HPSE2: variants seen among roughly 807,000 people sequenced by gnomAD.
HPSE2 encodes inactive heparanase-2.
A neutral mutation model predicts 60.5 loss-of-function variants in HPSE2; 38 were observed. That is an observed-to-expected ratio of 0.63 (90% CI 0.48 to 0.82). The LOEUF is 0.82. HPSE2 is among the 40% of genes least tolerant of loss of function. The probability of loss-of-function intolerance (pLI) is 0.00; values close to 1 mark genes in which losing one functional copy is unlikely to be tolerated. For missense variants in HPSE2, 713 were observed against 740.4 expected, an observed-to-expected ratio of 0.96 and a Z score of 0.43; for synonymous variants, 295 against 293.2, an observed-to-expected ratio of 1.01 and a Z score of -0.06.
chr10:98,599,450 T>C (rs1312097450), intron 9 of HPSE2, among the ~76,000 whole-genome samples: 1 of 152,030 alleles, frequency 6.6e-6, no homozygotes, highest in Non-Finnish European at 1.5e-5. Context: ...AGTCCAATAG[T>C]GGGACAGGCC....
intron 3 of HPSE2, among the ~76,000 whole-genome samples, chr10:98,902,974 A>T (rs1406511750): frequency 3.3e-5 from 5 of 152,158 alleles, no homozygotes; most frequent in Non-Finnish European, 7.4e-5. Flanking sequence ...ACTTGAACAC[A>T]ATGCTTATAG....
chr10:99,308,192 A>G, the HPSE2 span, among the ~76,000 whole-genome samples: 2 of 151,782 alleles, frequency 1.3e-5, no homozygotes, highest in South Asian at 4.2e-4. Flanking sequence ...GTTCAAGATT[A>G]GCCTGGCCAA....
chr10:98,900,603 T>C (rs1243646821), intron 3 of HPSE2, among the ~76,000 whole-genome samples: 1 of 152,202 alleles, frequency 6.6e-6, no homozygotes, highest in African/African-American at 2.4e-5. Flanking sequence ...GTGCAGCTTA[T>C]TGTAATGTCA....
intron 9 of HPSE2, among the ~76,000 whole-genome samples, chr10:98,594,788 G>A (rs1262334616): frequency 2.6e-5 from 4 of 152,102 alleles, no homozygotes; most frequent in East Asian, 1.9e-4. Context: ...TCTCTTCAAT[G>A]TATTGATTTC....
chr10:98,788,800 G>T (rs904188394), intron 3 of HPSE2, among the ~76,000 whole-genome samples: 1 of 150,662 alleles, frequency 6.6e-6, no homozygotes, highest in Non-Finnish European at 1.5e-5. Context: ...GCCCTGCTTC[G>T]GCTCGAGCAC....
At chr10:99,057,594 A>G (rs1472583049) in intron 3 of HPSE2, among the ~76,000 whole-genome samples, 2 of 152,198 alleles carry the variant, frequency 1.3e-5, no homozygotes, top group Non-Finnish European at 2.9e-5. Context: ...CATTGCCACC[A>G]TAAGTTGGGG....
At chr10:99,290,066 C>T in the HPSE2 span, among the ~76,000 whole-genome samples, 1 of 152,054 alleles carries the variant, frequency 6.6e-6, no homozygotes, top group Non-Finnish European at 1.5e-5. Context: ...TCCCCGCCCA[C>T]TTATAGATCT....
chr10:98,494,116 G>A (rs959634786), intron 9 of HPSE2, among the ~76,000 whole-genome samples: 5 of 152,136 alleles, frequency 3.3e-5, no homozygotes, highest in Non-Finnish European at 7.3e-5. Context: ...GTTCTCCGGT[G>A]CCATAAAGAA....
chr10:98,568,059 G>C (rs1424018831), intron 9 of HPSE2, among the ~76,000 whole-genome samples: 1 of 152,174 alleles, frequency 6.6e-6, no homozygotes. Context: ...GGGTTCAATG[G>C]GTTTTGTAAC....
the HPSE2 span, among the ~76,000 whole-genome samples, chr10:99,277,237 AG>A: frequency 1.3e-5 from 2 of 152,274 alleles, no homozygotes; most frequent in South Asian, 4.1e-4. Flanking sequence ...TTGTGCACAC[AG>A]GTGCACATGC....
chr10:99,087,699 C>T (rs1454674775), intron 3 of HPSE2, among the ~76,000 whole-genome samples: 1 of 152,072 alleles, frequency 6.6e-6, no homozygotes. Flanking sequence ...ATTGTCCTGA[C>T]GACTAGCCCA....
intron 3 of HPSE2, among the ~76,000 whole-genome samples, chr10:98,991,682 G>A (rs1244712186): frequency 6.6e-6 from 1 of 152,086 alleles, no homozygotes; most frequent in African/African-American, 2.4e-5. Flanking sequence ...GAAAGTAAAG[G>A]ATAAAGGAGG....
chr10:99,014,777 T>C (rs1244430839), intron 3 of HPSE2, among the ~76,000 whole-genome samples: 1 of 152,048 alleles, frequency 6.6e-6, no homozygotes, highest in Non-Finnish European at 1.5e-5. Context: ...ACTTCATGTC[T>C]AAAACACCAA....
chr10:99,115,397 G>A lies in HPSE2; in HGVS notation c.610+28841C>T, dbSNP rs570890933. On this transcript the variant is annotated intron_variant, in intron 3 of 11. Coordinates refer to ENST00000370552, the MANE Select transcript of HPSE2 (RefSeq NM_021828.5). Reference sequence around the variant, plus strand: ...TCTCGATCTCCTGACCTCGTGATCCGCCCGCCTTGGCCTCCCAAAGTGCTG... The same window carrying A: ...TCTCGATCTCCTGACCTCGTGATCCACCCGCCTTGGCCTCCCAAAGTGCTG... 2.6e-3 allele frequency among the ~76,000 whole-genome samples: 399 copies of A among 151,852 alleles called. 3 individuals are homozygous for A. Among genetic ancestry groups the A allele is most frequent in the Non-Finnish European group, 4.8e-3 (329 of 67,906 alleles).
At chr10:98,609,190 T>C (rs1359280276) in intron 9 of HPSE2, among the ~76,000 whole-genome samples, 5 of 152,198 alleles carry the variant, frequency 3.3e-5, no homozygotes, top group Non-Finnish European at 7.3e-5. Context: ...CCACCCAGTA[T>C]GACTTCTGTA....
At chr10:98,729,181 AAAT>A (rs1463120039) in intron 4 of HPSE2, among the ~76,000 whole-genome samples, 2 of 152,208 alleles carry the variant, frequency 1.3e-5, no homozygotes, top group African/African-American at 4.8e-5. Flanking sequence ...CAACAATCTC[AAAT>A]AATGGAAATG....
Position 98,688,579 on chromosome 10 carries a change from G to A in HPSE2, c.1004+5321C>T, listed in dbSNP as rs1947989486. On this transcript the variant is annotated intron_variant, in intron 6 of 11. Coordinates refer to ENST00000370552, the MANE Select transcript of HPSE2 (RefSeq NM_021828.5). Reference sequence around the variant, plus strand: ...CAACCTCCGCCTCTCGGGTTCAAGTGATTCTCCTGTCTCAGCCTCCTGAGT... The same window carrying A: ...CAACCTCCGCCTCTCGGGTTCAAGTAATTCTCCTGTCTCAGCCTCCTGAGT... Among the ~76,000 whole-genome samples, 6 of 148,360 alleles carry A rather than the reference G, an allele frequency of 4.0e-5. No homozygotes were observed. The South Asian group carries it at 1.3e-3, about 31-fold the overall frequency.
chr10:98,960,726 A>ATTTTTTTTTTTT (rs68091060), intron 3 of HPSE2, among the ~76,000 whole-genome samples: 2 of 102,602 alleles, frequency 1.9e-5, no homozygotes, highest in African/African-American at 4.0e-5. Context: ...TTTTTGTTTT[A>ATTTTTTTTTTTT]TTTTTTTTAT....
At chr10:98,675,867 C>T (rs1947627264) in intron 6 of HPSE2, among the ~76,000 whole-genome samples, 1 of 151,670 alleles carries the variant, frequency 6.6e-6, no homozygotes, top group Non-Finnish European at 1.5e-5. Flanking sequence ...GATATCAAGA[C>T]CCATCTCTAC....
Sources: gnomAD v4.1 joint callset for allele counts (sites outside exome capture counted in the v4.1 genomes callset) on GRCh38, gnomAD v4.1.1 for gene constraint, MANE v1.5 for transcripts, NCBI Gene and HGNC (gene_info 2026-07-23, HGNC 2026-07-21) for gene names.